The following GET1 variants were observed in gnomAD, a reference collection of about 807,000 sequenced individuals.
GET1 encodes the protein congenital heart disease 5 protein.
A neutral mutation model predicts 22.6 loss-of-function variants in GET1; 20 were observed. That is an observed-to-expected ratio of 0.89 (90% CI 0.62 to 1.29). The LOEUF (loss-of-function observed/expected upper bound fraction) is 1.29. GET1 is among the 50% of genes most tolerant of loss of function. The pLI, the probability that GET1 is intolerant of heterozygous loss-of-function variation, is 0.00. For synonymous variants in GET1, 92 were observed against 83.8 expected (o/e 1.10, Z -0.53); for missense variants, 209 against 219.9 (o/e 0.95, Z 0.31).
intron 2 of GET1, chr21:39,391,531 A>T: frequency 2.2e-6 from 1 of 453,082 alleles, no homozygotes. Context: ...TCGTTTTAAG[A>T]GTTTTCAAAA....
At chr21:39,422,752 G>C in intron 1 of GET1, 1 of 572,190 alleles carries the variant, frequency 1.7e-6, no homozygotes, top group Non-Finnish European at 3.0e-6. Context: ...GTGAACTCTT[G>C]TGCACTGCAA....
downstream of GET1, chr21:39,409,901 G>T: frequency 3.6e-6 from 3 of 830,548 alleles, no homozygotes; most frequent in South Asian, 3.3e-5. The surrounding 1 kb of genome is among the most constrained non-coding windows in gnomAD (Gnocchi z 4.2). Context: ...GCTGTTTTAT[G>T]TGTGCTTTAT....
intron 1 of GET1, chr21:39,387,659 C>T (rs1266548276): frequency 2.7e-6 from 1 of 370,824 alleles, no homozygotes; most frequent in African/African-American, 2.2e-5. Flanking sequence ...GCATGAGCCC[C>T]TAGACCCCTC....
chr21:39,393,343 A>G, intron 4 of GET1, 63 bp downstream of exon 4: 2 of 1,349,172 alleles, frequency 1.5e-6, no homozygotes, highest in Non-Finnish European at 2.1e-6. Context: ...GGTGTGTGGT[A>G]GAAGATTAAG....
intron 1 of GET1, among the ~76,000 whole-genome samples, chr21:39,385,135 A>G (rs1189823918): frequency 2.6e-5 from 4 of 152,158 alleles, no homozygotes. Flanking sequence ...CATGACAAGC[A>G]GCAGAAAGTC....
At chr21:39,421,364 G>A (rs1481614738) in intron 1 of GET1, among the ~76,000 whole-genome samples, 2 of 152,136 alleles carry the variant, frequency 1.3e-5, no homozygotes, top group South Asian at 2.1e-4. Flanking sequence ...CTGGTATTAC[G>A]GGCGAGAGGC....
intron 1 of GET1, among the ~76,000 whole-genome samples, chr21:39,418,993 T>C (rs1489450192): frequency 6.6e-6 from 1 of 152,188 alleles, no homozygotes; most frequent in African/African-American, 2.4e-5. Flanking sequence ...ATGTATTCTT[T>C]TTGAAGTTTC....
intron 1 of GET1, chr21:39,427,928 T>C (rs1157779909): frequency 6.7e-6 from 2 of 300,290 alleles, no homozygotes; most frequent in South Asian, 1.2e-4. Context: ...CTAACCTCAC[T>C]AGTAGGCTCC....
At chr21:39,425,804 G>A (rs1318929781) in intron 1 of GET1, 1 of 152,376 alleles carries the variant, frequency 6.6e-6, no homozygotes, top group Non-Finnish European at 1.5e-5. Flanking sequence ...TCACTGAGAT[G>A]AGAAGGATGC....
chr21:39,414,498 C>T (rs979659702), intron 1 of GET1, among the ~76,000 whole-genome samples: 28 of 152,150 alleles, frequency 1.8e-4, no homozygotes, highest in Middle Eastern at 3.2e-3. Flanking sequence ...CTATGACTTT[C>T]GTTAATGTGG....
At chr21:39,423,597 C>T in intron 1 of GET1, 1 of 912,322 alleles carries the variant, frequency 1.1e-6, no homozygotes, top group East Asian at 2.6e-5. Flanking sequence ...ACACCACACA[C>T]ATACACACAA....
intron 1 of GET1, chr21:39,423,427 A>G (rs2074075926): frequency 6.3e-7 from 1 of 1,598,258 alleles, no homozygotes; most frequent in East Asian, 2.2e-5. Flanking sequence ...AATCATATGG[A>G]TTTGAGAATT....
chr21:39,414,531 C>T (rs1164641539), intron 1 of GET1, among the ~76,000 whole-genome samples: 1 of 152,140 alleles, frequency 6.6e-6, no homozygotes, highest in Non-Finnish European at 1.5e-5. Context: ...TCCTAGAATT[C>T]CCACGACAAG....
At chr21:39,389,287 C>T (rs1172766913) in intron 1 of GET1, among the ~76,000 whole-genome samples, 1 of 151,988 alleles carries the variant, frequency 6.6e-6, no homozygotes, top group African/African-American at 2.4e-5. Flanking sequence ...TCTTTTGTCC[C>T]CCTTTTTTTT....
intron 1 of GET1, among the ~76,000 whole-genome samples, chr21:39,384,933 C>G (rs928759489): frequency 6.6e-6 from 1 of 152,068 alleles, no homozygotes; most frequent in Non-Finnish European, 1.5e-5. Context: ...TAATTATTAT[C>G]CCAGCAGAGT....
intron 1 of GET1, among the ~76,000 whole-genome samples, chr21:39,419,523 C>CAAAAAAAAA (rs5843964): frequency 1.6e-5 from 2 of 123,538 alleles, no homozygotes; most frequent in African/African-American, 7.1e-5. Context: ...AGACCCTGTT[C>CAAAAAAAAA]AAAAAAAAAA....
At chr21:39,419,694 T>C (rs141812872) in intron 1 of GET1, among the ~76,000 whole-genome samples, 58 of 152,156 alleles carry the variant, frequency 3.8e-4, no homozygotes, top group African/African-American at 1.4e-3. Context: ...AGTGCCCTTG[T>C]AAAAGAGGCC....
At chr21:39,417,942 T>A (rs758165953) in intron 1 of GET1, among the ~76,000 whole-genome samples, 4 of 152,082 alleles carry the variant, frequency 2.6e-5, no homozygotes, top group Admixed American at 6.6e-5. Context: ...ATTTTTTGTA[T>A]TTTTTAGTAG....
intron 4 of GET1, among the ~76,000 whole-genome samples, chr21:39,395,240 A>T (rs1006472726): frequency 1.9e-4 from 29 of 152,116 alleles, no homozygotes; most frequent in Non-Finnish European, 1.5e-5. Context: ...GATTTTCCTG[A>T]TGAAGGATAT....
Sources: allele counts gnomAD v4.1 joint callset (sites outside exome capture counted in the v4.1 genomes callset), GRCh38; gene constraint gnomAD v4.1.1; non-coding constraint Gnocchi (gnomAD v3.1); transcripts MANE v1.5; gene names NCBI Gene and HGNC (gene_info 2026-07-23, HGNC 2026-07-21).